CCDC50: variants seen among roughly 807,000 people sequenced by gnomAD.
The protein encoded by CCDC50 is coiled-coil domain-containing protein 50.
A neutral mutation model predicts 70.2 loss-of-function variants in CCDC50; 54 were observed. That is an observed-to-expected ratio of 0.77 (90% CI 0.62 to 0.96). The LOEUF (loss-of-function observed/expected upper bound fraction) is 0.96, where lower values mean the gene tolerates loss of function less well. Among genes scored for constraint, CCDC50 ranks in the 50% least tolerant of loss-of-function variants. The pLI, the probability that CCDC50 is intolerant of heterozygous loss-of-function variation, is 0.00. For missense variants in CCDC50, 558 were observed against 578.7 expected (o/e 0.96, Z 0.37); for synonymous variants, 216 against 198.8 (o/e 1.09, Z -0.73).
At chr3:191,362,224 G>A (rs1303494151) in intron 4 of CCDC50, among the ~76,000 whole-genome samples, 4 of 152,118 alleles carry the variant, frequency 2.6e-5, no homozygotes, top group Non-Finnish European at 5.9e-5. Context: ...CCAGGCTTAA[G>A]TGATCCTCTC....
At chr3:191,386,667 G>C (rs386241) in intron 10 of CCDC50, among the ~76,000 whole-genome samples, 64,210 of 152,026 alleles carry the variant, frequency 0.42, 15,241 homozygotes, top group Non-Finnish European at 0.53. Context: ...AAAATCAGTA[G>C]CATTTCTATA....
In CCDC50 at chr3:191,348,122, G is replaced by A. The variant is rs1711985672; in HGVS notation, c.50-8966G>A. On this transcript the variant is annotated intron_variant, in intron 1 of 11. Transcript: ENST00000392455. ...AAAGCACTGAAAGAAAATGATAGAT[G>A]AGTCTGCTGTATGTTTGTGAGTCAG... 1.4e-5 allele frequency among the ~76,000 whole-genome samples: 2 copies of A among 142,260 alleles called. 1 individual carries two copies. Among genetic ancestry groups the A allele is most frequent in the Non-Finnish European group, 3.2e-5 (2 of 63,118 alleles). 93.3% of individuals were successfully genotyped at this position (142,260 alleles called of 152,430 possible).
rs927282253 is a variant in CCDC50 at position 191,347,239 on chromosome 3, A to G, written c.50-9849A>G. 4.9e-5 allele frequency among the ~76,000 whole-genome samples: 7 copies of G among 142,150 alleles called. 1 individual carries two copies. The highest frequency in any genetic ancestry group is 1.3e-4 in the African/African-American group (5 of 39,786). 93.3% of individuals were successfully genotyped at this position (142,150 alleles called of 152,430 possible). A position where few individuals can be genotyped will look rare whatever the true frequency, so the allele number is the denominator to read the frequency against. On this transcript the variant is annotated intron_variant, in intron 1 of 11. Transcript: ENST00000392455. ...CTTTCTTCTTATTTTTTGGATATCA[A>G]CCTTGAGTTGTGTTTTTCCATTCAC...
At chr3:191,329,950 G>T (rs1032030282) in intron 1 of CCDC50, among the ~76,000 whole-genome samples, 19 of 143,140 alleles carry the variant, frequency 1.3e-4, no homozygotes, top group South Asian at 7.7e-4. Flanking sequence ...GTTGGGGGGG[G>T]GGGGGGCTAG....
intron 1 of CCDC50, among the ~76,000 whole-genome samples, chr3:191,349,966 A>ACCCCCCC (rs11454979): frequency 8.2e-4 from 87 of 105,668 alleles, no homozygotes; most frequent in Middle Eastern, 9.2e-3. Context: ...ATTTAATAAT[A>ACCCCCCC]CCCCCCCCCT....
At chr3:191,349,041 T>C (rs1560158620) in intron 1 of CCDC50, among the ~76,000 whole-genome samples, 1 of 141,918 alleles carries the variant, frequency 7.0e-6, no homozygotes, top group African/African-American at 2.5e-5. Flanking sequence ...GCGTGTCTGC[T>C]GTCTATAGCC....
intron 10 of CCDC50, among the ~76,000 whole-genome samples, chr3:191,388,095 A>G (rs1713558217): frequency 6.6e-6 from 1 of 152,046 alleles, no homozygotes; most frequent in African/African-American, 2.4e-5. Flanking sequence ...TGATTTAAAA[A>G]TAAAAATTAG....
intron 9 of CCDC50, 32 bp from the exon 10 acceptor site, chr3:191,382,714 T>G (rs1250826065): frequency 7.1e-7 from 1 of 1,415,852 alleles, no homozygotes; most frequent in Non-Finnish European, 1.0e-6. Flanking sequence ...TGTGTGTTAT[T>G]TTTGTTTGTT....
intron 1 of CCDC50, among the ~76,000 whole-genome samples, chr3:191,355,268 C>A (rs1211657169): frequency 6.6e-6 from 1 of 152,020 alleles, no homozygotes; most frequent in East Asian, 1.9e-4. Context: ...AATGATAGGT[C>A]AATACATTAA....
At chr3:191,333,798 A>G (rs1006905408) in intron 1 of CCDC50, among the ~76,000 whole-genome samples, 4 of 152,184 alleles carry the variant, frequency 2.6e-5, no homozygotes, top group African/African-American at 9.6e-5. Context: ...TTTAAAAGGC[A>G]GAGATAATAC....
At chr3:191,339,304 A>G (rs575889935) in intron 1 of CCDC50, among the ~76,000 whole-genome samples, 7 of 152,330 alleles carry the variant, frequency 4.6e-5, no homozygotes, top group East Asian at 1.9e-4. Flanking sequence ...AACACTGGTT[A>G]AAAATATGCA....
At chr3:191,336,117 C>T (rs976856208) in intron 1 of CCDC50, among the ~76,000 whole-genome samples, 2 of 150,544 alleles carry the variant, frequency 1.3e-5, no homozygotes, top group Non-Finnish European at 3.0e-5. Context: ...TCACTCTAAA[C>T]ATTTGTGTAC....
At chr3:191,386,061 C>A (rs1206468681) in intron 10 of CCDC50, among the ~76,000 whole-genome samples, 3 of 152,064 alleles carry the variant, frequency 2.0e-5, no homozygotes, top group African/African-American at 7.2e-5. Context: ...AATGTCATGC[C>A]TCCCTTTGTT....
intron 6 of CCDC50, 150 bp downstream of exon 6, chr3:191,375,739 T>C (rs1713091250): frequency 1.2e-6 from 1 of 841,276 alleles, no homozygotes; most frequent in African/African-American, 1.7e-5. Context: ...TTATAAAAGG[T>C]ATACACTTAA....
At chr3:191,386,695 C>G (rs1223211390) in intron 10 of CCDC50, among the ~76,000 whole-genome samples, 1 of 152,180 alleles carries the variant, frequency 6.6e-6, no homozygotes, top group Non-Finnish European at 1.5e-5. Flanking sequence ...AAGCTTCAAG[C>G]TGAGAATCAA....
intron 1 of CCDC50, among the ~76,000 whole-genome samples, chr3:191,338,874 G>A (rs564101463): frequency 1.3e-5 from 2 of 152,268 alleles, no homozygotes; most frequent in South Asian, 4.1e-4. Context: ...TATATAAGAT[G>A]CTGGTAATTT....
chr3:191,338,978 T>C (rs1184379838), intron 1 of CCDC50, among the ~76,000 whole-genome samples: 2 of 152,194 alleles, frequency 1.3e-5, no homozygotes, highest in Non-Finnish European at 2.9e-5. Context: ...CCATCAGAAT[T>C]TTTATGTGTG....
intron 6 of CCDC50, among the ~76,000 whole-genome samples, chr3:191,377,367 G>C (rs1466085475): frequency 6.6e-6 from 1 of 152,150 alleles, no homozygotes; most frequent in Non-Finnish European, 1.5e-5. Flanking sequence ...CACGGAGCTG[G>C]TTCTAAGAGC....
intron 1 of CCDC50, among the ~76,000 whole-genome samples, chr3:191,345,105 G>A (rs907619928): frequency 3.9e-5 from 6 of 152,222 alleles, no homozygotes; most frequent in African/African-American, 1.4e-4. Context: ...GTTATGGGAT[G>A]TTTCTTGAGA....
Sources: gnomAD v4.1 joint callset for allele counts (sites outside exome capture counted in the v4.1 genomes callset) on GRCh38, gnomAD v4.1.1 for gene constraint, MANE v1.5 for transcripts, NCBI Gene and HGNC (gene_info 2026-07-23, HGNC 2026-07-21) for gene names.